The following GLIS3 variants were observed in gnomAD, a reference collection of about 807,000 sequenced individuals.
GLIS3 encodes zinc finger protein GLIS3.
Under a neutral mutation model 78.6 loss-of-function variants are expected in GLIS3, and 53 were observed. The observed-to-expected ratio is 0.67, with a 90% CI of 0.54 to 0.85. The LOEUF is 0.85. Ranked by LOEUF, GLIS3 falls within the 40% of genes least tolerant of loss-of-function variation. GLIS3 has a pLI of 0.00. For synonymous variants in GLIS3, 684 were observed against 509.9 expected, an observed-to-expected ratio of 1.34 and a Z score of -4.60; for missense variants, 1,703 against 1,231.1, an observed-to-expected ratio of 1.38 and a Z score of -5.74.
At chr9:4,388,260 G>C in the GLIS3 span, among the ~76,000 whole-genome samples, 2 of 152,240 alleles carry the variant, frequency 1.3e-5, no homozygotes, top group Admixed American at 1.3e-4. Context: ...AAAGATAAGA[G>C]TTTCATGATA....
chr9:4,199,242 C>A lies in GLIS3; in HGVS notation c.389-73301G>T, dbSNP rs552218657. On this transcript the variant is annotated intron_variant, in intron 2 of 10. Coordinates refer to ENST00000381971, the MANE Select transcript of GLIS3 (RefSeq NM_001042413.2). Reference sequence around the variant, plus strand: ...TAACCCTGAATGAAATGGCCTAAAACCCCCCACTTAAAAGGCACAGAGTGG... The same window carrying A: ...TAACCCTGAATGAAATGGCCTAAAAACCCCCACTTAAAAGGCACAGAGTGG... Among the ~76,000 whole-genome samples, 3 of 152,160 alleles carry A rather than the reference C, an allele frequency of 2.0e-5. No individual in the cohort carries two copies. In the South Asian group the frequency reaches 6.2e-4, roughly 32 times the overall value.
intron 1 of GLIS3, among the ~76,000 whole-genome samples, chr9:4,294,233 G>A (rs574913249): frequency 6.6e-6 from 1 of 152,324 alleles, no homozygotes; most frequent in East Asian, 1.9e-4. Flanking sequence ...AATGGGCCAG[G>A]TGCGGTGGCT....
At chr9:3,912,016 T>C (rs1422070848) in intron 6 of GLIS3, among the ~76,000 whole-genome samples, 1 of 152,146 alleles carries the variant, frequency 6.6e-6, no homozygotes, top group East Asian at 1.9e-4. Context: ...CGGGGTCAAA[T>C]AGATACAGGT....
chr9:4,316,769 T>A (rs10814926), intron 2 of GLIS3, among the ~76,000 whole-genome samples: 71,183 of 152,034 alleles, frequency 0.47, 18,994 homozygotes, highest in African/African-American at 0.75. Flanking sequence ...TGGAATAAGC[T>A]GGTACATAAT....
intron 2 of GLIS3, among the ~76,000 whole-genome samples, chr9:4,273,026 T>C (rs1826659848): frequency 6.6e-6 from 1 of 152,240 alleles, no homozygotes; most frequent in Non-Finnish European, 1.5e-5. Flanking sequence ...GGTTTACATT[T>C]GTTCTCTTAG....
intron 7 of GLIS3, among the ~76,000 whole-genome samples, chr9:3,884,020 A>C (rs1289261518): frequency 6.6e-6 from 1 of 152,138 alleles, no homozygotes; most frequent in Non-Finnish European, 1.5e-5. Flanking sequence ...GAGGTAACTC[A>C]GTTGAGCTTT....
chr9:4,238,558 C>G (rs941376735), intron 2 of GLIS3, among the ~76,000 whole-genome samples: 2 of 152,136 alleles, frequency 1.3e-5, no homozygotes, highest in African/African-American at 4.8e-5. Context: ...TCAGAAGGCC[C>G]GTGTGAAGCA....
the GLIS3 span, among the ~76,000 whole-genome samples, chr9:4,408,708 C>G: frequency 1.1e-5 from 1 of 95,192 alleles, no homozygotes; most frequent in Non-Finnish European, 1.8e-5. Context: ...GCCTGGGCAA[C>G]AGAGCCAGAC....
intron 4 of GLIS3, among the ~76,000 whole-genome samples, chr9:4,067,712 C>T (rs190796985): frequency 8.8e-4 from 133 of 151,720 alleles, no homozygotes; most frequent in Middle Eastern, 3.4e-3. Flanking sequence ...AAATTTAAAA[C>T]ATGGTAAAGA....
intron 4 of GLIS3, among the ~76,000 whole-genome samples, chr9:4,102,664 T>A (rs1830462054): frequency 6.6e-6 from 1 of 152,170 alleles, no homozygotes. Flanking sequence ...TAAAAAGCAC[T>A]GCCGTAACTA....
chr9:4,066,849 G>A (rs563446118), intron 4 of GLIS3, among the ~76,000 whole-genome samples: 2 of 152,150 alleles, frequency 1.3e-5, no homozygotes, highest in Non-Finnish European at 2.9e-5. Flanking sequence ...GACGCCCAGT[G>A]GCACTTACGG....
In GLIS3 at chr9:3,859,808, A is replaced by G. The variant is rs189170058; in HGVS notation, c.2298-3624T>C. On this transcript the variant is annotated intron_variant, in intron 8 of 10. Transcript: ENST00000381971. ...GCTCTGTTAAATAGGCACATAACAGACTAGAAAAAAAAATTACTGCTTACC... is the reference window on the plus strand; with the variant it reads ...GCTCTGTTAAATAGGCACATAACAGGCTAGAAAAAAAAATTACTGCTTACC... Among the ~76,000 whole-genome samples the G allele has an allele frequency of 3.8e-3, 576 of 152,344 alleles. 7 individuals carry two copies. The highest frequency in any genetic ancestry group is 0.013 in the African/African-American group (542 of 41,582).
chr9:3,990,048 C>A (rs1385930213), intron 4 of GLIS3, among the ~76,000 whole-genome samples: 1 of 152,180 alleles, frequency 6.6e-6, no homozygotes, highest in African/African-American at 2.4e-5. Context: ...TGTGAATTTA[C>A]AATTATCTCA....
the GLIS3 span, among the ~76,000 whole-genome samples, chr9:4,480,204 T>C: frequency 7.7e-5 from 11 of 142,908 alleles, no homozygotes; most frequent in African/African-American, 2.9e-4. Context: ...GGCTTTCTTT[T>C]TTTTTTTTTT....
the GLIS3 span, among the ~76,000 whole-genome samples, chr9:4,433,554 T>C: frequency 1.3e-5 from 2 of 152,246 alleles, no homozygotes; most frequent in South Asian, 2.1e-4. Flanking sequence ...TGATAAAATA[T>C]GGACTCCGTT....
intron 4 of GLIS3, among the ~76,000 whole-genome samples, chr9:4,078,615 G>A (rs1828279388): frequency 6.6e-6 from 1 of 152,204 alleles, no homozygotes; most frequent in Non-Finnish European, 1.5e-5. Context: ...TTGCCAGCCA[G>A]GCAGGGTAAA....
intron 8 of GLIS3, among the ~76,000 whole-genome samples, chr9:3,873,911 C>G (rs1035296715): frequency 2.0e-5 from 3 of 152,190 alleles, no homozygotes; most frequent in African/African-American, 7.2e-5. Context: ...CTCATATTTT[C>G]TGCTGCTGAT....
intron 2 of GLIS3, among the ~76,000 whole-genome samples, chr9:4,130,628 G>C (rs1206134216): frequency 6.6e-6 from 1 of 152,254 alleles, no homozygotes; most frequent in East Asian, 1.9e-4. Flanking sequence ...CGAAATGCAA[G>C]AGTTGAGGCT....
At chr9:4,339,353 T>C (rs1331123441) in intron 2 of GLIS3, among the ~76,000 whole-genome samples, 1 of 152,218 alleles carries the variant, frequency 6.6e-6, no homozygotes, top group Non-Finnish European at 1.5e-5. Flanking sequence ...GCCGATGAAT[T>C]GTGTTCATGA....
Sources: allele counts gnomAD v4.1 joint callset (sites outside exome capture counted in the v4.1 genomes callset), GRCh38; gene constraint gnomAD v4.1.1; transcripts MANE v1.5; gene names NCBI Gene and HGNC (gene_info 2026-07-23, HGNC 2026-07-21).